The following TNRC6B variants were observed in gnomAD, a reference collection of about 807,000 sequenced individuals.
TNRC6B encodes trinucleotide repeat containing adaptor 6B.
Under a neutral mutation model 203.6 loss-of-function variants are expected in TNRC6B, and 52 were observed. The observed-to-expected ratio is 0.26, with a 90% CI of 0.20 to 0.32. TNRC6B has a LOEUF of 0.32. TNRC6B is among the 10% of genes least tolerant of loss of function. TNRC6B has a pLI of 1.00. For synonymous variants in TNRC6B, 838 were observed against 845.7 expected, an observed-to-expected ratio of 0.99 and a Z score of 0.16; for missense variants, 1,923 against 2,286.2, an observed-to-expected ratio of 0.84 and a Z score of 3.24.
intron 1 of TNRC6B, among the ~76,000 whole-genome samples, chr22:40,212,028 G>C (rs1194055709): frequency 6.6e-6 from 1 of 152,136 alleles, no homozygotes; most frequent in Non-Finnish European, 1.5e-5. Context: ...TGCTTAGTAG[G>C]TGCCTTCCAT....
intron 1 of TNRC6B, among the ~76,000 whole-genome samples, chr22:40,205,052 G>A (rs2069462399): frequency 6.6e-6 from 1 of 152,174 alleles, no homozygotes; most frequent in Non-Finnish European, 1.5e-5. Context: ...CCTAACATAT[G>A]TTAATTTTCA....
chr22:40,125,672 T>A lies in TNRC6B; in HGVS notation c.-46-100T>A, dbSNP rs1022789564. 100 of 685,622 alleles carry A rather than the reference T, an allele frequency of 1.5e-4. 1 individual carries two copies. In the East Asian group the frequency reaches 2.8e-3, roughly 19 times the overall value. 42.5% of individuals were successfully genotyped at this position (685,622 alleles called of 1,614,324 possible). On this transcript the variant is annotated intron_variant, in intron 2 of 23. Coordinates refer to the TNRC6B transcript ENST00000301923. ...AAAGTTACTCAAAGTTACTTCACAG[T>A]ATCTGTGGCCTTATTGAGAGAATTT...
At chr22:40,233,258 G>T (rs2069901588) in intron 1 of TNRC6B, among the ~76,000 whole-genome samples, 1 of 152,084 alleles carries the variant, frequency 6.6e-6, no homozygotes, top group South Asian at 2.1e-4. Flanking sequence ...GGGGCCGGAG[G>T]TTGCAGTGAG....
intron 3 of TNRC6B, among the ~76,000 whole-genome samples, chr22:40,149,569 C>T (rs535858793): frequency 2.1e-4 from 32 of 150,448 alleles, no homozygotes; most frequent in African/African-American, 6.6e-4. Flanking sequence ...ACTCAGGAGG[C>T]GGAGGCAGGA....
chr22:40,291,392 A>T (rs2070867728), intron 12 of TNRC6B, among the ~76,000 whole-genome samples: 2 of 152,186 alleles, frequency 1.3e-5, no homozygotes, highest in South Asian at 4.1e-4. Flanking sequence ...TAAAAAAAAA[A>T]ATGAAAAAGA....
intron 1 of TNRC6B, among the ~76,000 whole-genome samples, chr22:40,052,374 G>C (rs188002214): frequency 6.7e-6 from 1 of 149,556 alleles, no homozygotes; most frequent in Admixed American, 6.7e-5. Context: ...AATTAGAATT[G>C]ATGGCAGCTG....
rs529687506 is a variant in TNRC6B at position 40,317,204 on chromosome 22, C to T, written c.4974+1192C>T. On this transcript the variant is annotated intron_variant, in intron 21 of 22. Coordinates refer to ENST00000454349, the MANE Select transcript of TNRC6B (RefSeq NM_001162501.2). ...CCTCAGTATTTTCTCCCTCTTAAAA[C>T]ATATTAACCATTTTTGTGCTCTGTA... is the stretch of plus-strand genomic sequence containing the variant. 3.9e-5 allele frequency among the ~76,000 whole-genome samples: 6 copies of T among 152,350 alleles called. No individual in the cohort carries two copies. The South Asian group carries it at 1.2e-3, about 32-fold the overall frequency.
At chr22:40,118,276 G>A (rs5995815) in intron 2 of TNRC6B, among the ~76,000 whole-genome samples, 15,063 of 152,140 alleles carry the variant, frequency 0.099, 2,442 homozygotes, top group African/African-American at 0.34. Flanking sequence ...TGAACCTCCA[G>A]TTCAGCCTCA....
At chr22:40,069,177 A>G (rs1341500871) in intron 1 of TNRC6B, among the ~76,000 whole-genome samples, 1 of 152,084 alleles carries the variant, frequency 6.6e-6, no homozygotes, top group African/African-American at 2.4e-5. Context: ...GCCCCACTGC[A>G]TGCAGCCTCA....
intron 4 of TNRC6B, among the ~76,000 whole-genome samples, chr22:40,170,591 T>TATATAGTTTATATATATATTA (rs1555886856): frequency 0.016 from 264 of 16,536 alleles, 24 homozygotes; most frequent in African/African-American, 0.021. Context: ...TATATATATA[T>TATATAGTTTATATATATATTA]TATATATAGT....
In TNRC6B at chr22:40,308,646, A is replaced by G; in HGVS notation, c.4255A>G (p.Asn1419Asp). The stretch of plus-strand genomic sequence containing the variant: ...CACACAGGAAGCCAATATGCACAAA[A>G]ATGGTAAGAGAAGCACTGAAAGCTA... ...VATQEANMHK[N>D]GAIVAPGKTR... is the part of the protein sequence containing the mutation. The change falls in exon 16 of 23, where the codon AAT (asparagine) becomes GAT (aspartate). Residue 1419 changes from asparagine to aspartate, a missense_variant. Asn to Asp is a conservative substitution (Grantham distance 23, BLOSUM62 1). This residue lies in a region of TNRC6B where 242 missense variants were observed against 399.5 expected (regional missense o/e 0.61). Coordinates refer to ENST00000454349, the MANE Select transcript of TNRC6B (RefSeq NM_001162501.2). 1 of 1,611,900 alleles carries G rather than the reference A, an allele frequency of 6.2e-7. No homozygotes were observed. Among genetic ancestry groups the G allele is most frequent in the Non-Finnish European group, 8.5e-7 (1 of 1,178,914 alleles).
chr22:40,098,418 C>T (rs939935116), intron 1 of TNRC6B, among the ~76,000 whole-genome samples: 1 of 136,568 alleles, frequency 7.3e-6, no homozygotes, highest in African/African-American at 2.9e-5. Context: ...AAGGGAATTA[C>T]TATATCAAAG....
intron 2 of TNRC6B, among the ~76,000 whole-genome samples, chr22:40,250,014 C>T (rs1223652879): frequency 1.3e-5 from 2 of 152,186 alleles, no homozygotes; most frequent in Non-Finnish European, 2.9e-5. Flanking sequence ...GCTACAGGAC[C>T]TTCCTTCCAG....
chr22:40,247,431 A>AT (rs1169996776), intron 2 of TNRC6B, among the ~76,000 whole-genome samples: 3 of 152,180 alleles, frequency 2.0e-5, no homozygotes, highest in African/African-American at 7.2e-5. Flanking sequence ...TCATAACTCA[A>AT]TTTTTTGAAT....
rs542975350 is a variant in TNRC6B, at chr22:40,134,028, A to C, written c.45+8166A>C. On this transcript the variant is annotated intron_variant, in intron 3 of 23. Coordinates refer to the TNRC6B transcript ENST00000301923. ...AATATGCGATGGGAGATGGTGAAAA[A>C]TTTGATTGTGTTTCAGATATCTTGA... is the stretch of plus-strand genomic sequence containing the variant. Among the ~76,000 whole-genome samples the C allele has an allele frequency of 8.7e-4, 132 of 151,030 alleles. 5 individuals carry two copies. The South Asian group carries it at 0.027, about 31-fold the overall frequency.
chr22:40,156,907 G>A lies in TNRC6B; in HGVS notation c.113+725G>A, dbSNP rs113309497. Among the ~76,000 whole-genome samples, 55 of 150,902 alleles carry A rather than the reference G, an allele frequency of 3.6e-4. 2 individuals carry two copies. Among genetic ancestry groups the A allele is most frequent in the African/African-American group, 1.2e-3 (50 of 41,208 alleles). On this transcript the variant is annotated intron_variant, in intron 4 of 23. Transcript: ENST00000301923. ...CCTAAATAGGACTAGGTGTGGTGGCGGGGACTACAGTTGCCCGCCACCACA... is the reference window on the plus strand; with the variant it reads ...CCTAAATAGGACTAGGTGTGGTGGCAGGGACTACAGTTGCCCGCCACCACA...
At chr22:40,101,241 C>G (rs556404770) in intron 1 of TNRC6B, among the ~76,000 whole-genome samples, 1 of 152,288 alleles carries the variant, frequency 6.6e-6, no homozygotes, top group East Asian at 1.9e-4. Flanking sequence ...ATCCGCCCAC[C>G]TCGGTCTCCC....
chr22:40,317,083 C>T (rs978821745), intron 21 of TNRC6B, among the ~76,000 whole-genome samples: 1 of 152,194 alleles, frequency 6.6e-6, no homozygotes, highest in African/African-American at 2.4e-5. Context: ...TCCAAGAAGA[C>T]CTGAACCTAT....
chr22:40,137,269 T>C (rs183756348), intron 3 of TNRC6B, among the ~76,000 whole-genome samples: 2 of 152,330 alleles, frequency 1.3e-5, no homozygotes, highest in East Asian at 1.9e-4. Context: ...TGAGAGCAGA[T>C]TGGAAAAGCA....
Sources: allele counts gnomAD v4.1 joint callset (sites outside exome capture counted in the v4.1 genomes callset), GRCh38; gene constraint gnomAD v4.1.1; regional missense constraint gnomAD v4.1.1; transcripts MANE v1.5; gene names NCBI Gene and HGNC (gene_info 2026-07-23, HGNC 2026-07-21).